The following ATM variants were observed in gnomAD, a reference collection of about 807,000 sequenced individuals.
ATM encodes ATM serine/threonine kinase.
A neutral mutation model predicts 387.0 loss-of-function variants in ATM; 308 were observed. The ratio of observed to expected loss-of-function variants is 0.80; its 90% CI spans 0.73 to 0.87. ATM has a LOEUF of 0.87. Among genes scored for constraint, ATM ranks in the 40% least tolerant of loss-of-function variants. ATM has a pLI of 0.00. For missense variants in ATM, 3,312 were observed against 3,560.9 expected, an observed-to-expected ratio of 0.93 and a Z score of 1.78; for synonymous variants, 1,156 against 1,187.3, an observed-to-expected ratio of 0.97 and a Z score of 0.54.
At chr11:108,259,369 G>A (rs55973324) in intron 16 of ATM, among the ~76,000 whole-genome samples, 1,951 of 152,184 alleles carry the variant, frequency 0.013, 53 homozygotes, top group African/African-American at 0.044. Flanking sequence ...TGTGCCTGTA[G>A]TCCCAGCTAC....
At chr11:108,354,193 AAAGC>A (rs1333147890) in intron 60 of ATM, among the ~76,000 whole-genome samples, 3 of 152,104 alleles carry the variant, frequency 2.0e-5, no homozygotes, top group African/African-American at 7.2e-5. Flanking sequence ...ACCCTGGGTA[AAAGC>A]AATAATAGTT....
intron 7 of ATM, 116 bp downstream of exon 7, chr11:108,245,142 A>G (rs2079781562): frequency 7.0e-6 from 6 of 858,248 alleles, no homozygotes; most frequent in Non-Finnish European, 1.1e-5. Context: ...TCTCTGGTTG[A>G]TAATGTTACT....
intron 56 of ATM, among the ~76,000 whole-genome samples, chr11:108,337,080 G>A (rs147490768): frequency 1.5e-3 from 235 of 152,098 alleles, no homozygotes; most frequent in African/African-American, 5.3e-3. Flanking sequence ...GCCCTAAATA[G>A]GGGAGTGAAG....
In ATM at chr11:108,352,176, A is replaced by T. The variant is rs568952990; in HGVS notation, c.8672-1590A>T. Among the ~76,000 whole-genome samples the T allele has an allele frequency of 1.0e-3, 153 of 152,372 alleles. 1 individual carries two copies. The highest frequency in any genetic ancestry group is 1.6e-3 in the Non-Finnish European group (107 of 68,042). ...ACTTTAATGAAAAATGGCCACCTGT[A>T]GGTGCCAACACTGAGATGACAATGA... On this transcript the variant is annotated intron_variant, in intron 59 of 62. Transcript: ENST00000675843.
intron 55 of ATM, 80 bp from the exon 56 acceptor site, chr11:108,335,765 C>CCTTTGCTATTCT: frequency 9.1e-7 from 1 of 1,102,034 alleles, no homozygotes; most frequent in East Asian, 2.5e-5. Flanking sequence ...GTTTGAGTGC[C>CCTTTGCTATTCT]CTTTGCTATT....
At chr11:108,320,269 C>T (rs990208654) in intron 44 of ATM, among the ~76,000 whole-genome samples, 1 of 152,150 alleles carries the variant, frequency 6.6e-6, no homozygotes, top group African/African-American at 2.4e-5. Flanking sequence ...CCTGACCCTT[C>T]AAGAAAGTTT....
intron 31 of ATM, among the ~76,000 whole-genome samples, chr11:108,294,560 C>T (rs980139051): frequency 6.6e-6 from 1 of 152,172 alleles, no homozygotes. Flanking sequence ...GCCAACATGG[C>T]AAAACCCCAT....
chr11:108,327,534 C>A, intron 47 of ATM, 111 bp from the exon 48 acceptor site: 2 of 829,840 alleles, frequency 2.4e-6, no homozygotes, highest in Non-Finnish European at 3.9e-6. Context: ...TTTTTTTTCC[C>A]ACCCACCAAG....
intron 22 of ATM, among the ~76,000 whole-genome samples, chr11:108,276,107 T>A (rs1334579625): frequency 6.6e-6 from 1 of 152,224 alleles, no homozygotes; most frequent in East Asian, 1.9e-4. Context: ...TTTCATTAAG[T>A]TGATCTTCAA....
At chr11:108,313,467 C>G (rs2084345086) in intron 40 of ATM, among the ~76,000 whole-genome samples, 5 of 152,142 alleles carry the variant, frequency 3.3e-5, no homozygotes, top group Admixed American at 2.6e-4. Context: ...CTCTCATAAA[C>G]TTCATGTTGC....
rs771317764 is a variant in ATM at position 108,330,357 on chromosome 11, T to C, written c.7451T>C (p.Val2484Ala). 2 of 1,614,190 alleles carry C rather than the reference T, an allele frequency of 1.2e-6. No homozygotes were observed. The highest frequency in any genetic ancestry group is 1.7e-6 in the Non-Finnish European group (2 of 1,180,006). ...LLSGEEHDMW[V>A]FRLCSLWLEN... ...AGTGGAGAAGAACATGATATGTGGG[T>C]ATTCCGACTTTGTTCCCTCTGGCTT... The change falls in exon 50 of 63, where the codon GTA (valine) becomes GCA (alanine). Residue 2484 changes from valine to alanine, a missense_variant. Transcript: ENST00000675843.
rs757128761 is a variant in ATM, at chr11:108,239,493, C to T, written c.496+3659C>T. On this transcript the variant is annotated intron_variant, in intron 5 of 62. Transcript: ENST00000675843. ...GTCAGAATTTCACCCTTATTAAAAA[C>T]TGAACACTATTCTGTTCTGTGTATA... 2.6e-5 allele frequency among the ~76,000 whole-genome samples: 4 copies of T among 152,330 alleles called. No individual in the cohort carries two copies. In the South Asian group the frequency reaches 8.3e-4, roughly 32 times the overall value.
chr11:108,289,920 C>A, intron 29 of ATM, 119 bp downstream of exon 29: 1 of 932,786 alleles, frequency 1.1e-6, no homozygotes, highest in Non-Finnish European at 1.6e-6. Flanking sequence ...AGGCTGGGTG[C>A]AGTCACGGCT....
intron 56 of ATM, among the ~76,000 whole-genome samples, chr11:108,338,235 C>T (rs1420531358): frequency 1.3e-5 from 2 of 152,076 alleles, no homozygotes; most frequent in Admixed American, 6.6e-5. Flanking sequence ...CCTCTAGTCT[C>T]AGCTACTTGG....
chr11:108,310,434 A>AT, intron 39 of ATM, 119 bp downstream of exon 39: 1 of 988,466 alleles, frequency 1.0e-6, no homozygotes, highest in Non-Finnish European at 1.4e-6. Context: ...TTAGATAGAA[A>AT]TTTTGTTTTA....
intron 8 of ATM, among the ~76,000 whole-genome samples, chr11:108,248,273 C>T (rs890020898): frequency 1.3e-5 from 2 of 152,124 alleles, no homozygotes; most frequent in African/African-American, 2.4e-5. Context: ...TAATTTCACT[C>T]TGTCAAATAT....
chr11:108,268,379 C>G (rs983837822), intron 17 of ATM, 31 bp from the exon 18 acceptor site: 15 of 1,602,650 alleles, frequency 9.4e-6, no homozygotes, highest in East Asian at 2.2e-5. Flanking sequence ...GTGCCCTTCT[C>G]TTAGTGTTAA....
intron 14 of ATM, 84 bp downstream of exon 14, chr11:108,256,424 C>A (rs2135396677): frequency 6.9e-7 from 1 of 1,445,550 alleles, no homozygotes; most frequent in Non-Finnish European, 9.5e-7. Context: ...GTTTGGAAGA[C>A]ATTAAATTTT....
chr11:108,248,600 T>G (rs911478774), intron 8 of ATM, among the ~76,000 whole-genome samples: 2 of 151,936 alleles, frequency 1.3e-5, no homozygotes, highest in Admixed American at 6.6e-5. Flanking sequence ...ATGAAAAAAG[T>G]GTATTTGGCC....
Sources: allele counts gnomAD v4.1 joint callset (sites outside exome capture counted in the v4.1 genomes callset), GRCh38; gene constraint gnomAD v4.1.1; transcripts MANE v1.5; gene names NCBI Gene and HGNC (gene_info 2026-07-23, HGNC 2026-07-21).